The following LRP1B variants were observed in gnomAD, a reference collection of about 807,000 sequenced individuals.
The protein encoded by LRP1B is low-density lipoprotein receptor-related protein 1B.
Under a neutral mutation model 556.6 loss-of-function variants are expected in LRP1B, and 217 were observed. The ratio of observed to expected loss-of-function variants is 0.39; its 90% CI spans 0.35 to 0.44. The LOEUF is 0.44. LRP1B is among the 20% of genes least tolerant of loss of function. The pLI is 1.00. For synonymous variants in LRP1B, 2,047 were observed against 1,865.8 expected (o/e 1.10, Z -2.50); for missense variants, 5,053 against 5,620.8 (o/e 0.90, Z 3.23).
intron 1 of LRP1B, among the ~76,000 whole-genome samples, chr2:141,958,606 T>C (rs1701326495): frequency 6.6e-6 from 1 of 152,054 alleles, no homozygotes; most frequent in African/African-American, 2.4e-5. Context: ...AATTGTTCTG[T>C]GATTTTTTAA....
intron 41 of LRP1B, among the ~76,000 whole-genome samples, chr2:140,642,608 G>A (rs889113081): frequency 7.9e-5 from 12 of 152,112 alleles, no homozygotes; most frequent in Admixed American, 4.6e-4. Flanking sequence ...TTGGGAAGCC[G>A]AGATGGGCGG....
At position 140,435,555 on chromosome 2, in the gene LRP1B, C is replaced by T. The variant is rs1573936259; in HGVS notation, c.10414+6949G>A. Among the ~76,000 whole-genome samples the T allele has an allele frequency of 2.6e-5, 4 of 152,028 alleles. No homozygotes were observed. In the South Asian group the frequency reaches 8.3e-4, roughly 31 times the overall value. On this transcript the variant is annotated intron_variant, in intron 66 of 90. Transcript: ENST00000389484. ...CTATTTCTCTTACGGCTTTTGCTAC[C>T]TATCAATCCAGAGTCTAGAATATTT...
At chr2:140,942,641 T>C (rs1695433870) in intron 20 of LRP1B, among the ~76,000 whole-genome samples, 1 of 152,084 alleles carries the variant, frequency 6.6e-6, no homozygotes, top group African/African-American at 2.4e-5. Context: ...ATTTTTAGTA[T>C]TCTTATAAGA....
intron 7 of LRP1B, among the ~76,000 whole-genome samples, chr2:141,133,167 C>G (rs1483483371): frequency 2.0e-5 from 3 of 151,808 alleles, no homozygotes; most frequent in Admixed American, 1.3e-4. Flanking sequence ...GGAAAAAATG[C>G]AAAAAGCTCG....
chr2:142,104,480 A>G lies in LRP1B; in HGVS notation c.82+26168T>C, dbSNP rs182246837. Among the ~76,000 whole-genome samples, 50 of 152,262 alleles carry G rather than the reference A, an allele frequency of 3.3e-4. 1 individual carries two copies. Among genetic ancestry groups the G allele is most frequent in the Admixed American group, 6.6e-5 (1 of 15,258 alleles). ...TTTAGCAAAGATTGGCCTGAAACCA[A>G]TGCTCCAAATAGTTTCTTTAAAGCT... On this transcript the variant is annotated intron_variant, in intron 1 of 90. Transcript: ENST00000389484.
At chr2:140,318,202 C>T (rs573749916) in intron 82 of LRP1B, among the ~76,000 whole-genome samples, 20 of 152,200 alleles carry the variant, frequency 1.3e-4, no homozygotes, top group African/African-American at 4.6e-4. Context: ...TTATCTTCAG[C>T]AATCAATAAT....
At chr2:141,583,368 A>G (rs114826291) in intron 2 of LRP1B, among the ~76,000 whole-genome samples, 1,577 of 152,288 alleles carry the variant, frequency 0.01, 27 homozygotes, top group African/African-American at 0.036. Context: ...AGAGATACTA[A>G]ACACAGAATA....
At chr2:141,858,838 T>C (rs1473423083) in intron 1 of LRP1B, among the ~76,000 whole-genome samples, 1 of 152,156 alleles carries the variant, frequency 6.6e-6, no homozygotes, top group Admixed American at 6.5e-5. Context: ...AAAGATTTTC[T>C]TAAGATGACA....
At chr2:142,076,091 G>A (rs912155303) in intron 1 of LRP1B, among the ~76,000 whole-genome samples, 11 of 151,982 alleles carry the variant, frequency 7.2e-5, no homozygotes, top group Non-Finnish European at 1.5e-4. Flanking sequence ...AGCACTGACA[G>A]GTTTTTGCAA....
intron 5 of LRP1B, among the ~76,000 whole-genome samples, chr2:141,231,693 T>C (rs1003934823): frequency 6.9e-6 from 1 of 144,040 alleles, no homozygotes; most frequent in African/African-American, 2.6e-5. Flanking sequence ...CGTGTGCACC[T>C]GCCATACAAG....
At chr2:140,485,632 A>G in intron 58 of LRP1B, 108 bp from the exon 59 acceptor site, 1 of 749,086 alleles carries the variant, frequency 1.3e-6, no homozygotes, top group South Asian at 2.3e-5. Flanking sequence ...AAATGTAAAG[A>G]ATGGAACTTA....
At chr2:140,532,677 G>A (rs1286940933) in intron 47 of LRP1B, among the ~76,000 whole-genome samples, 3 of 151,942 alleles carry the variant, frequency 2.0e-5, no homozygotes, top group African/African-American at 7.2e-5. Context: ...TTACAGGCAT[G>A]AGCCACCACG....
At chr2:140,533,987 C>G in intron 47 of LRP1B, 34 bp downstream of exon 47, 1 of 1,611,186 alleles carries the variant, frequency 6.2e-7, no homozygotes, top group Non-Finnish European at 8.5e-7. Context: ...ACTTAGCACA[C>G]CAATATTCTG....
chr2:141,216,116 G>A (rs1321552411), intron 6 of LRP1B, among the ~76,000 whole-genome samples: 2 of 152,160 alleles, frequency 1.3e-5, no homozygotes, highest in Non-Finnish European at 2.9e-5. Flanking sequence ...CAGGGACCAG[G>A]ACCAAGGCTC....
At chr2:141,061,966 C>A in intron 8 of LRP1B, 85 bp downstream of exon 8, 1 of 1,055,370 alleles carries the variant, frequency 9.5e-7, no homozygotes, top group South Asian at 1.3e-5. Context: ...CTCGACTTTA[C>A]AAGAAATTTT....
intron 3 of LRP1B, among the ~76,000 whole-genome samples, chr2:141,323,160 A>G (rs72981221): frequency 0.018 from 2,766 of 152,192 alleles, 86 homozygotes; most frequent in African/African-American, 0.062. Flanking sequence ...AGCTAGGACA[A>G]AATATGAACC....
intron 2 of LRP1B, among the ~76,000 whole-genome samples, chr2:141,775,290 A>G (rs1695028016): frequency 6.6e-6 from 1 of 152,248 alleles, no homozygotes; most frequent in Admixed American, 6.5e-5. Context: ...AGACATGCAA[A>G]TTAGCTGTGT....
chr2:140,581,570 T>C (rs1336494602), intron 43 of LRP1B, among the ~76,000 whole-genome samples: 2 of 152,194 alleles, frequency 1.3e-5, no homozygotes, highest in Non-Finnish European at 2.9e-5. Context: ...TAAATACAAT[T>C]TCTACTATCA....
chr2:141,103,052 A>T (rs1700506119), intron 7 of LRP1B, among the ~76,000 whole-genome samples: 1 of 152,068 alleles, frequency 6.6e-6, no homozygotes. Context: ...ATTGAAATCA[A>T]ATTTTTGAAA....
Sources: gnomAD v4.1 joint callset for allele counts (sites outside exome capture counted in the v4.1 genomes callset) on GRCh38, gnomAD v4.1.1 for gene constraint, MANE v1.5 for transcripts, NCBI Gene and HGNC (gene_info 2026-07-23, HGNC 2026-07-21) for gene names.